MGAT5B: variants seen among roughly 807,000 people sequenced by gnomAD.
MGAT5B encodes N-acetylglucosaminyl-transferase Vb.
A neutral mutation model predicts 95.1 loss-of-function variants in MGAT5B; 54 were observed. The ratio of observed to expected loss-of-function variants is 0.57; its 90% CI spans 0.46 to 0.71. The LOEUF (loss-of-function observed/expected upper bound fraction) is 0.71. Ranked by LOEUF, MGAT5B falls within the 30% of genes least tolerant of loss-of-function variation. The pLI, the probability that MGAT5B is intolerant of heterozygous loss-of-function variation, is 0.00. For synonymous variants in MGAT5B, 464 were observed against 451.0 expected (o/e 1.03, Z -0.36); for missense variants, 935 against 1,088.6 (o/e 0.86, Z 1.99).
In MGAT5B at chr17:76,914,644, C is replaced by CTTTTTTTTT. The variant is rs55850824; in HGVS notation, c.1025+8462_1025+8470dup. On this transcript the variant is annotated intron_variant, in intron 8 of 17. Transcript: ENST00000569840. The surrounding 1 kb of genome is among the most constrained non-coding windows in gnomAD (Gnocchi z 5.1). ...CTCTGTGTCCACATTTCTTCTTCCT[C>CTTTTTTTTT]TTTTTTTTTTTTTGAGACAGAGTCT... Among the ~76,000 whole-genome samples, 4 of 146,224 alleles carry CTTTTTTTTT rather than the reference C, an allele frequency of 2.7e-5. No individual in the cohort carries two copies. Among genetic ancestry groups the CTTTTTTTTT allele is most frequent in the African/African-American group, 1.0e-4 (4 of 39,336 alleles).
At chr17:76,935,852 CTA>C (rs1157841350) in intron 12 of MGAT5B, among the ~76,000 whole-genome samples, 13 of 17,786 alleles carry the variant, frequency 7.3e-4, no homozygotes, top group East Asian at 1.6e-3. Context: ...ATTATATATA[CTA>C]TATATATTAT....
intron 10 of MGAT5B, among the ~76,000 whole-genome samples, chr17:76,927,484 C>T (rs1249057405): frequency 6.6e-6 from 1 of 152,206 alleles, no homozygotes. Context: ...AAGCGATCCA[C>T]CCACGTAGGC....
rs12450144 is a variant in MGAT5B, at chr17:76,925,605, G to A, written c.1157+508G>A. On this transcript the variant is annotated intron_variant, in intron 9 of 17. Transcript: ENST00000569840. ...CACAGAGAGCCCTGCTATTTATTAC[G>A]TGTGCTCCAGTCCCATTGACGATCC... is the stretch of plus-strand genomic sequence containing the variant. Among the ~76,000 whole-genome samples, 23 of 152,042 alleles carry A rather than the reference G, an allele frequency of 1.5e-4. No individual in the cohort carries two copies. The South Asian group carries it at 4.4e-3, about 29-fold the overall frequency.
At chr17:76,872,761 C>T (rs781071778) in intron 1 of MGAT5B, 90 bp from the exon 2 acceptor site, 9 of 1,608,688 alleles carry the variant, frequency 5.6e-6, no homozygotes, top group South Asian at 1.1e-5. Flanking sequence ...TGCACTCATT[C>T]GTAAAACATT....
intron 3 of MGAT5B, among the ~76,000 whole-genome samples, chr17:76,902,346 C>T (rs1968342800): frequency 6.6e-6 from 1 of 152,208 alleles, no homozygotes; most frequent in African/African-American, 2.4e-5. Context: ...TCCCGTATGT[C>T]TGTAATGTGT....
At chr17:76,943,315 T>G (rs1969924128) in intron 15 of MGAT5B, among the ~76,000 whole-genome samples, 1 of 152,190 alleles carries the variant, frequency 6.6e-6, no homozygotes, top group Non-Finnish European at 1.5e-5. Flanking sequence ...AGATTTGTGC[T>G]GGGCCCCAAA....
rs1969756381 is a variant in MGAT5B, at chr17:76,938,775, C to T, written c.1584+632C>T. ...CCCACTGCAACCTTATATTCCTAGGCTCACACAGTCCCCTCACCTCCACCT... is the reference window on the plus strand; with the variant it reads ...CCCACTGCAACCTTATATTCCTAGGTTCACACAGTCCCCTCACCTCCACCT... On this transcript the variant is annotated intron_variant, in intron 13 of 17. Transcript: ENST00000569840. The surrounding 1 kb of genome is among the most constrained non-coding windows in gnomAD (Gnocchi z 4.3). 6.6e-6 allele frequency among the ~76,000 whole-genome samples: 1 copy of T among 152,114 alleles called. No individual in the cohort carries two copies. Among genetic ancestry groups the T allele is most frequent in the African/African-American group, 2.4e-5 (1 of 41,410 alleles).
At position 76,905,134 on chromosome 17, in the gene MGAT5B, T is replaced by C; in HGVS notation, c.691-35T>C. ...GCGGGGAATGATGGTGGCCGCAGGT[T>C]GAGGGGCAGAGAGCTGAGGTCTGGA... is the stretch of plus-strand genomic sequence containing the variant. On this transcript the variant is annotated intron_variant, in intron 6 of 17. Coordinates refer to ENST00000569840, the MANE Select transcript of MGAT5B (RefSeq NM_001199172.2). This position sits in a 1 kb window ranked among gnomAD's most constrained non-coding sequence, Gnocchi z 4.2. The C allele has an allele frequency of 6.4e-7, 1 of 1,574,158 alleles. No individual in the cohort carries two copies. Among genetic ancestry groups the C allele is most frequent in the Non-Finnish European group, 8.7e-7 (1 of 1,153,628 alleles).
chr17:76,876,716 T>G (rs1967205377), intron 2 of MGAT5B, among the ~76,000 whole-genome samples: 1 of 152,212 alleles, frequency 6.6e-6, no homozygotes, highest in Admixed American at 6.5e-5. Context: ...CTGCGTACTT[T>G]GGGGATGAAA....
rs775202921 is a variant in MGAT5B, at chr17:76,946,408, C to T, written c.1881C>T (p.Cys627=). 37 of 1,606,674 alleles carry T rather than the reference C, an allele frequency of 2.3e-5. No homozygotes were observed. Among genetic ancestry groups the T allele is most frequent in the South Asian group, 6.7e-5 (6 of 90,160 alleles). ...CCTACCTACCCTACGAGTACACCTG[C>T]GAGGGGATGCTGGAGCGGATCCACG... is the stretch of plus-strand genomic sequence containing the variant. ...VDPYLPYEYT[C]EGMLERIHAY... is the part of the protein sequence containing the mutation. Residue 627 remains cysteine (C), a synonymous_variant, in exon 16 of 18, where the codon TGC becomes TGT. Coordinates refer to ENST00000569840, the MANE Select transcript of MGAT5B (RefSeq NM_001199172.2).
chr17:76,872,870 G>A lies in MGAT5B; in HGVS notation c.88G>A (p.Gly30Ser), dbSNP rs2145111489. The A allele has an allele frequency of 3.1e-6, 5 of 1,614,166 alleles. No homozygotes were observed. Among genetic ancestry groups the A allele is most frequent in the Non-Finnish European group, 4.2e-6 (5 of 1,180,036 alleles). ...RPFRLFVLGI[G>S]FFTLCFLMTS... ...CCGCAGGCTTTTTGTCCTGGGCATC[G>A]GCTTCTTCACTCTCTGCTTCCTGAT... Residue 30 changes from glycine to serine, a missense_variant, in exon 2 of 18, where the codon GGC becomes AGC. Physicochemically the swap from Gly to Ser is moderately conservative, Grantham distance 56. Transcript: ENST00000569840.
At position 76,948,922 on chromosome 17, in the gene MGAT5B, TGC is replaced by T; in HGVS notation, c.*85_*86del. ...GCACCAGCAGGTTCTGAGCCCTGGC[TGC>T]TTGTCCTCCTCGCAACCCCCCCAGG... On this transcript the variant is annotated 3_prime_UTR_variant, in exon 18 of 18. Coordinates refer to ENST00000569840, the MANE Select transcript of MGAT5B (RefSeq NM_001199172.2). 7.1e-7 allele frequency: 1 copy of T among 1,411,624 alleles called. No individual in the cohort carries two copies. The highest frequency in any genetic ancestry group is 9.5e-7 in the Non-Finnish European group (1 of 1,052,362). The allele number at this position is 1,411,624 out of a possible 1,614,324, so 87.4% of individuals were successfully genotyped here.
chr17:76,897,573 C>T (rs1168623668), intron 3 of MGAT5B, among the ~76,000 whole-genome samples: 1 of 152,122 alleles, frequency 6.6e-6, no homozygotes, highest in African/African-American at 2.4e-5. Flanking sequence ...AGAAGGACCC[C>T]AGTCATTGGA....
At chr17:76,920,702 C>T (rs867651163) in intron 8 of MGAT5B, among the ~76,000 whole-genome samples, 8 of 152,182 alleles carry the variant, frequency 5.3e-5, no homozygotes, top group Middle Eastern at 3.4e-3. Context: ...CTGCTGTCTC[C>T]GGGCCGATTT....
intron 10 of MGAT5B, among the ~76,000 whole-genome samples, chr17:76,927,890 C>A (rs1969364302): frequency 6.6e-6 from 1 of 152,214 alleles, no homozygotes; most frequent in Non-Finnish European, 1.5e-5. Context: ...AAAGTAAGAG[C>A]AACGTAGACT....
intron 10 of MGAT5B, among the ~76,000 whole-genome samples, chr17:76,927,719 T>A (rs566284963): frequency 3.3e-5 from 5 of 152,222 alleles, no homozygotes; most frequent in African/African-American, 1.2e-4. Context: ...CCCCTCCTCG[T>A]GTCTGGTTCA....
At chr17:76,945,210 C>G (rs998379067) in intron 15 of MGAT5B, among the ~76,000 whole-genome samples, 9 of 152,182 alleles carry the variant, frequency 5.9e-5, no homozygotes, top group African/African-American at 2.2e-4. Flanking sequence ...ACTCTTCCCT[C>G]CACTCCCCTG....
At chr17:76,881,775 G>A (rs1473922825) in intron 2 of MGAT5B, among the ~76,000 whole-genome samples, 3 of 152,180 alleles carry the variant, frequency 2.0e-5, no homozygotes, top group African/African-American at 7.2e-5. Context: ...CCCAGTGCTG[G>A]GCCTTTTCTG....
At position 76,868,947 on chromosome 17, in the gene MGAT5B, C is replaced by G. The variant is rs1223621076; in HGVS notation, c.-83C>G. ...ACGCGGCTTCGGCCCGCAGAGGGTT[C>G]GTGGCCCGGACGCGGCGAGAGCTGG... is the stretch of plus-strand genomic sequence containing the variant. On this transcript the variant is annotated 5_prime_UTR_variant, in exon 1 of 18. Coordinates refer to ENST00000569840, the MANE Select transcript of MGAT5B (RefSeq NM_001199172.2). The surrounding 1 kb of genome is among the most constrained non-coding windows in gnomAD (Gnocchi z 6.3). 1.4e-6 allele frequency: 2 copies of G among 1,401,686 alleles called. No individual in the cohort carries two copies. The highest frequency in any genetic ancestry group is 1.0e-6 in the Non-Finnish European group (1 of 995,116). 86.8% of individuals were successfully genotyped at this position (1,401,686 alleles called of 1,614,324 possible). A position where few individuals can be genotyped will look rare whatever the true frequency, so the allele number is the denominator to read the frequency against.
Sources: allele counts gnomAD v4.1 joint callset (sites outside exome capture counted in the v4.1 genomes callset), GRCh38; gene constraint gnomAD v4.1.1; non-coding constraint Gnocchi (gnomAD v3.1); transcripts MANE v1.5; gene names NCBI Gene and HGNC (gene_info 2026-07-23, HGNC 2026-07-21).